Variants in LAPTM4B observed in about 807,000 individuals in gnomAD.
LAPTM4B encodes the protein lysosomal-associated transmembrane protein 4B.
In LAPTM4B, 26 loss-of-function variants were observed where a neutral mutation model predicts 28.5. The ratio of observed to expected loss-of-function variants is 0.91; its 90% confidence interval spans 0.67 to 1.27. The LOEUF is 1.27. LAPTM4B is among the 50% of genes most tolerant of loss of function. The pLI is 0.00. For missense variants in LAPTM4B, 288 were observed against 285.8 expected (o/e 1.01, Z -0.06); for synonymous variants, 109 against 106.4 (o/e 1.02, Z -0.15).
chr8:97,834,502 G>C (rs963605040), intron 6 of LAPTM4B, among the ~76,000 whole-genome samples: 1 of 152,002 alleles, frequency 6.6e-6, no homozygotes, highest in African/African-American at 2.4e-5. Flanking sequence ...TTGGCCACTT[G>C]GAGTCTCTTC....
At chr8:97,803,162 A>G (rs1000664153) in intron 1 of LAPTM4B, among the ~76,000 whole-genome samples, 4 of 151,272 alleles carry the variant, frequency 2.6e-5, no homozygotes, top group African/African-American at 7.3e-5. Flanking sequence ...TCGTGCCACT[A>G]CACTCCAGCC....
intron 1 of LAPTM4B, among the ~76,000 whole-genome samples, chr8:97,787,765 T>C (rs1816426773): frequency 6.6e-6 from 1 of 152,206 alleles, no homozygotes; most frequent in Non-Finnish European, 1.5e-5. Context: ...ACCCGCATGT[T>C]TGCATCCCTC....
chr8:97,809,570 C>T (rs1463781507), intron 2 of LAPTM4B, among the ~76,000 whole-genome samples: 3 of 152,076 alleles, frequency 2.0e-5, no homozygotes, highest in South Asian at 2.1e-4. Flanking sequence ...TGTGATGGTG[C>T]GTACCTGTAA....
Position 97,852,564 on chromosome 8 carries a change from G to C in LAPTM4B, c.*1090G>C. The C allele has an allele frequency of 6.6e-6, 1 of 152,558 alleles. No homozygotes were observed. Among genetic ancestry groups the C allele is most frequent in the East Asian group, 1.9e-4 (1 of 5,196 alleles). The allele number at this position is 152,558 out of a possible 1,614,324, so 9.5% of individuals were successfully genotyped here. A position where few individuals can be genotyped will look rare whatever the true frequency, so the allele number is the denominator to read the frequency against. On this transcript the variant is annotated 3_prime_UTR_variant, in exon 7 of 7. Coordinates refer to ENST00000521545, the MANE Select transcript of LAPTM4B (RefSeq NM_018407.6). The stretch of plus-strand genomic sequence containing the variant: ...CATTATTGAATGTGCTGTAAATTAA[G>C]TTGTTTGCAATTAAAACAAGGTTTG...
intron 1 of LAPTM4B, 139 bp downstream of exon 1, chr8:97,776,247 C>A: frequency 1.8e-6 from 2 of 1,105,496 alleles, no homozygotes; most frequent in Non-Finnish European, 2.4e-6. Flanking sequence ...TCTCCGGGTG[C>A]CGCGTCCGCA....
intron 6 of LAPTM4B, among the ~76,000 whole-genome samples, chr8:97,843,046 ATTTTATATTT>A: frequency 6.6e-6 from 1 of 151,700 alleles, no homozygotes; most frequent in East Asian, 2.0e-4. Flanking sequence ...ACTTGGCTAA[ATTTTATATTT>A]TGTATTTAGA....
rs1436736854 is a variant in LAPTM4B, at chr8:97,775,964, G to C, written c.-46G>C. Reference sequence around the variant, plus strand: ...GCGGGCTCCAGGCGAGGCGGTCGACGCTCCTGAAAACTTGCGCGCGCGCTC... The same window carrying C: ...GCGGGCTCCAGGCGAGGCGGTCGACCCTCCTGAAAACTTGCGCGCGCGCTC... On this transcript the variant is annotated 5_prime_UTR_variant, in exon 1 of 7. Transcript: ENST00000521545. The C allele has an allele frequency of 1.9e-5, 28 of 1,498,710 alleles. No individual in the cohort carries two copies. Among genetic ancestry groups the C allele is most frequent in the Non-Finnish European group, 2.5e-5 (28 of 1,127,028 alleles). 92.8% of individuals were successfully genotyped at this position (1,498,710 alleles called of 1,614,324 possible).
intron 1 of LAPTM4B, among the ~76,000 whole-genome samples, chr8:97,798,228 T>A (rs1403421530): frequency 6.6e-6 from 1 of 152,190 alleles, no homozygotes; most frequent in African/African-American, 2.4e-5. Flanking sequence ...ACCTTTTCTA[T>A]CTGTCTGGGT....
chr8:97,845,325 G>GT (rs75030410), intron 6 of LAPTM4B, among the ~76,000 whole-genome samples: 20 of 146,726 alleles, frequency 1.4e-4, no homozygotes, highest in South Asian at 2.2e-4. Context: ...CACTTGCTTT[G>GT]TTTTTTTTTG....
chr8:97,825,189 C>A, intron 6 of LAPTM4B, 36 bp downstream of exon 6: 2 of 1,075,578 alleles, frequency 1.9e-6, no homozygotes, highest in Non-Finnish European at 2.9e-6. Context: ...AGATCTCGCC[C>A]ACACCTTTAC....
chr8:97,841,477 G>A (rs1817348984), intron 6 of LAPTM4B, among the ~76,000 whole-genome samples: 1 of 152,134 alleles, frequency 6.6e-6, no homozygotes. Context: ...ACAGGCGCCT[G>A]CCATCACGCC....
rs1483974397 is a variant in LAPTM4B, at chr8:97,776,107, T to C, written c.98T>C (p.Leu33Pro). 4 of 1,573,024 alleles carry C rather than the reference T, an allele frequency of 2.5e-6. No homozygotes were observed. Among genetic ancestry groups the C allele is most frequent in the Non-Finnish European group, 2.6e-6 (3 of 1,167,660 alleles). The change falls in exon 1 of 7, where the codon CTG becomes CCG. Residue 33 changes from leucine to proline, a missense_variant and splice_region_variant. Leu to Pro is a moderately conservative substitution (Grantham distance 98). Coordinates refer to ENST00000521545, the MANE Select transcript of LAPTM4B (RefSeq NM_018407.6). ...TGTILLGVWYLIINAVVLLIL... is the reference protein window; with the variant it reads ...TGTILLGVWYPIINAVVLLIL... ...ACCATCCTGCTCGGCGTCTGGTATC[T>C]GGTGAGCGCGGCGCGCCCGGCCCGG...
At chr8:97,776,690 T>C (rs1586315221) in intron 1 of LAPTM4B, among the ~76,000 whole-genome samples, 1 of 148,992 alleles carries the variant, frequency 6.7e-6, no homozygotes, top group Non-Finnish European at 1.5e-5. Flanking sequence ...TGTGAATGGG[T>C]CCCCCCCCCG....
At chr8:97,849,785 A>G (rs1817491996) in intron 6 of LAPTM4B, among the ~76,000 whole-genome samples, 3 of 152,184 alleles carry the variant, frequency 2.0e-5, no homozygotes, top group African/African-American at 7.2e-5. Flanking sequence ...GGAGGAGGAA[A>G]GCCGCCACCC....
chr8:97,800,336 T>TGGTTC (rs1816651158), intron 1 of LAPTM4B, among the ~76,000 whole-genome samples: 1 of 152,092 alleles, frequency 6.6e-6, no homozygotes, highest in Admixed American at 6.6e-5. Context: ...GCTTTTAACA[T>TGGTTC]GGTTCTTGTT....
At position 97,852,943 on chromosome 8, in the gene LAPTM4B, GA is replaced by G; in HGVS notation, c.*1475del. The G allele has an allele frequency of 8.2e-6, 4 of 488,194 alleles. No homozygotes were observed. The highest frequency in any genetic ancestry group is 1.1e-5 in the Non-Finnish European group (3 of 280,994). 30.2% of individuals were successfully genotyped at this position (488,194 alleles called of 1,614,324 possible). On this transcript the variant is annotated 3_prime_UTR_variant, in exon 7 of 7. Transcript: ENST00000521545. ...AGAATAAATTACCATTGGTGTGGGG[GA>G]AAAAAGCCAAACAGAAGTAGAAAAA...
At chr8:97,838,638 C>T (rs1817298287) in intron 6 of LAPTM4B, among the ~76,000 whole-genome samples, 1 of 152,214 alleles carries the variant, frequency 6.6e-6, no homozygotes, top group South Asian at 2.1e-4. Context: ...TCACCTCCTC[C>T]TAACTGTTGT....
At chr8:97,820,833 A>G (rs1177912470) in intron 5 of LAPTM4B, among the ~76,000 whole-genome samples, 3 of 151,768 alleles carry the variant, frequency 2.0e-5, no homozygotes, top group African/African-American at 4.8e-5. Flanking sequence ...GGTTCAAGCA[A>G]TTCTCCTGCC....
intron 4 of LAPTM4B, among the ~76,000 whole-genome samples, chr8:97,817,284 A>C (rs1399861248): frequency 6.6e-6 from 1 of 151,660 alleles, no homozygotes; most frequent in East Asian, 2.0e-4. Context: ...GGCATGCACC[A>C]CCATGCCCAC....
Sources: gnomAD v4.1 joint callset for allele counts (sites outside exome capture counted in the v4.1 genomes callset) on GRCh38, gnomAD v4.1.1 for gene constraint, MANE v1.5 for transcripts, NCBI Gene and HGNC (gene_info 2026-07-23, HGNC 2026-07-21) for gene names.